Variants in FAF2 observed in about 807,000 individuals in gnomAD.
The protein encoded by FAF2 is FAS-associated factor 2.
In FAF2, 9 loss-of-function variants were observed where a neutral mutation model predicts 62.3. That is an observed-to-expected ratio of 0.14 (90% CI 0.09 to 0.25). The LOEUF (loss-of-function observed/expected upper bound fraction) is 0.25. FAF2 is among the 10% of genes least tolerant of loss of function. The pLI is 1.00. For missense variants in FAF2, 368 were observed against 556.2 expected, an observed-to-expected ratio of 0.66 and a Z score of 3.40; for synonymous variants, 202 against 198.0, an observed-to-expected ratio of 1.02 and a Z score of -0.17.
At position 176,502,379 on chromosome 5, in the gene FAF2, A is replaced by G. The variant is rs545666178; in HGVS notation, c.1155+2233A>G. ...GCGGATCACCTGAGGTCGGGAGTTC[A>G]AGACCAGCCTGACCAAAATGGAGAA... is the stretch of plus-strand genomic sequence containing the variant. On this transcript the variant is annotated intron_variant, in intron 10 of 10. Transcript: ENST00000261942. Among the ~76,000 whole-genome samples the G allele has an allele frequency of 1.1e-3, 172 of 151,662 alleles. 2 individuals carry two copies. The highest frequency in any genetic ancestry group is 1.5e-3 in the Non-Finnish European group (103 of 67,836).
intron 1 of FAF2, among the ~76,000 whole-genome samples, chr5:176,455,884 A>T (rs572131141): frequency 1.2e-3 from 178 of 152,346 alleles, no homozygotes; most frequent in Non-Finnish European, 2.3e-3. Flanking sequence ...TTACATAAAT[A>T]TTCATTTATG....
intron 1 of FAF2, among the ~76,000 whole-genome samples, chr5:176,464,546 A>G (rs1182965750): frequency 7.5e-6 from 1 of 132,774 alleles, no homozygotes; most frequent in Non-Finnish European, 1.5e-5. Flanking sequence ...GGGCTGGAGT[A>G]CAGTGGCACA....
chr5:176,484,089 A>T (rs1459142262), intron 2 of FAF2, among the ~76,000 whole-genome samples: 1 of 152,048 alleles, frequency 6.6e-6, no homozygotes, highest in Non-Finnish European at 1.5e-5. Context: ...AGAAAAAAAA[A>T]GAAAAAAAGG....
intron 2 of FAF2, among the ~76,000 whole-genome samples, chr5:176,479,636 C>G (rs1758757668): frequency 6.6e-6 from 1 of 152,018 alleles, no homozygotes; most frequent in East Asian, 1.9e-4. Flanking sequence ...ATTGAATTAG[C>G]AAGAACTTTA....
intron 2 of FAF2, among the ~76,000 whole-genome samples, chr5:176,480,819 G>A (rs1411258254): frequency 1.6e-5 from 2 of 126,022 alleles, no homozygotes; most frequent in Non-Finnish European, 3.4e-5. Context: ...GGGCTGGGGG[G>A]CTAGGGGAGG....
chr5:176,479,068 A>C (rs1758747739), intron 1 of FAF2, 120 bp from the exon 2 acceptor site: 3 of 791,696 alleles, frequency 3.8e-6, no homozygotes, highest in Non-Finnish European at 6.7e-6. Context: ...GTTTTACCAT[A>C]CTTTAACACT....
chr5:176,481,632 G>C (rs1758785650), intron 2 of FAF2, among the ~76,000 whole-genome samples: 1 of 151,878 alleles, frequency 6.6e-6, no homozygotes, highest in Non-Finnish European at 1.5e-5. Flanking sequence ...ACTCCAGCCT[G>C]GGGGACAGAG....
chr5:176,451,831 T>TAC (rs1758181408), intron 1 of FAF2, among the ~76,000 whole-genome samples: 5 of 25,988 alleles, frequency 1.9e-4, no homozygotes, highest in African/African-American at 3.3e-4. Context: ...TATATATACA[T>TAC]ATATATATAT....
intron 1 of FAF2, among the ~76,000 whole-genome samples, chr5:176,472,776 T>C (rs1758597410): frequency 6.7e-6 from 1 of 149,874 alleles, no homozygotes; most frequent in South Asian, 2.1e-4. Flanking sequence ...AAAATAGGGC[T>C]CATATGGTTC....
rs922684538 is a variant in FAF2 at position 176,500,031 on chromosome 5, T to G, written c.1040T>G (p.Leu347Trp). 1 of 1,614,198 alleles carries G rather than the reference T, an allele frequency of 6.2e-7. No individual in the cohort carries two copies. The highest frequency in any genetic ancestry group is 8.5e-7 in the Non-Finnish European group (1 of 1,180,044). The change falls in exon 10 of 11, where the codon TTG (leucine) becomes TGG (tryptophan). Residue 347 changes from leucine to tryptophan, a missense_variant. Transcript: ENST00000261942. ...TTACAGGAGGAAAAGGAAAGGAAGT[T>G]GGAATGCCTGCCCCCTGAACCTTCC... Reference protein sequence around the residue: ...QNLQEEKERKLECLPPEPSPD... With the variant: ...QNLQEEKERKWECLPPEPSPD...
At chr5:176,461,995 AG>A (rs1758387080) in intron 1 of FAF2, among the ~76,000 whole-genome samples, 1 of 152,156 alleles carries the variant, frequency 6.6e-6, no homozygotes, top group Non-Finnish European at 1.5e-5. Flanking sequence ...GCATCAGAAA[AG>A]CTAGGTGCAG....
intron 2 of FAF2, among the ~76,000 whole-genome samples, chr5:176,479,991 G>T (rs1053842779): frequency 1.3e-5 from 2 of 152,042 alleles, no homozygotes; most frequent in African/African-American, 4.8e-5. Flanking sequence ...CACCGCGCCC[G>T]GCCATGCCTC....
chr5:176,506,745 C>T (rs2113751147), intron 10 of FAF2, 23 bp from the exon 11 acceptor site: 1 of 1,604,440 alleles, frequency 6.2e-7, no homozygotes, highest in Non-Finnish European at 8.5e-7. Flanking sequence ...CACCACCCTT[C>T]TTTTTCTATA....
intron 1 of FAF2, among the ~76,000 whole-genome samples, chr5:176,462,554 G>A (rs1186643391): frequency 3.3e-5 from 5 of 150,492 alleles, no homozygotes; most frequent in Non-Finnish European, 1.5e-5. Context: ...AACCCGGGAG[G>A]CGGAGGTTGC....
chr5:176,461,742 C>T (rs1311759521), intron 1 of FAF2, among the ~76,000 whole-genome samples: 1 of 151,868 alleles, frequency 6.6e-6, no homozygotes, highest in Non-Finnish European at 1.5e-5. Flanking sequence ...AAGATTTTCT[C>T]CCATTTTGTC....
At chr5:176,454,500 C>T (rs988727781) in intron 1 of FAF2, among the ~76,000 whole-genome samples, 1 of 141,922 alleles carries the variant, frequency 7.0e-6, no homozygotes, top group African/African-American at 2.6e-5. Context: ...ATCACTTGAA[C>T]TCAGGAGGTG....
Position 176,492,201 on chromosome 5 carries a change from C to G in FAF2, c.352C>G (p.Leu118Val), listed in dbSNP as rs1196731224. Reference protein sequence around the residue: ...YTILDIFRFALRFIRPDPRSR... With the variant: ...YTILDIFRFAVRFIRPDPRSR... Reference sequence around the variant, plus strand: ...TTATTCCTTCCTCCCCAGGTTTGCTCTTCGTTTTATACGGCCTGACCCTCG... The same window carrying G: ...TTATTCCTTCCTCCCCAGGTTTGCTGTTCGTTTTATACGGCCTGACCCTCG... The change falls in exon 5 of 11, where the codon CTT (leucine) becomes GTT (valine). Residue 118 changes from leucine to valine, a missense_variant. Physicochemically the swap from Leu to Val is conservative, Grantham distance 32 (BLOSUM62 1). Coordinates refer to ENST00000261942, the MANE Select transcript of FAF2 (RefSeq NM_014613.3). 9 of 1,614,036 alleles carry G rather than the reference C, an allele frequency of 5.6e-6. No homozygotes were observed. The highest frequency in any genetic ancestry group is 2.2e-5 in the South Asian group (2 of 91,078).
chr5:176,496,954 G>T, intron 8 of FAF2: 1 of 201,922 alleles, frequency 5.0e-6, no homozygotes, highest in South Asian at 1.9e-4. Context: ...ATCCAGACTG[G>T]GCAGCAAAGC....
intron 1 of FAF2, among the ~76,000 whole-genome samples, chr5:176,462,399 GCAGAT>G (rs1166158050): frequency 1.3e-5 from 2 of 152,018 alleles, no homozygotes; most frequent in Non-Finnish European, 2.9e-5. Flanking sequence ...GCCAAGGCAG[GCAGAT>G]CATGAGGTCA....
Sources: allele counts gnomAD v4.1 joint callset (sites outside exome capture counted in the v4.1 genomes callset), GRCh38; gene constraint gnomAD v4.1.1; transcripts MANE v1.5; gene names NCBI Gene and HGNC (gene_info 2026-07-23, HGNC 2026-07-21).